Variants in CDCA7L observed in about 807,000 individuals in gnomAD.
CDCA7L encodes cell division cycle associated 7 like, also known as cell division cycle-associated 7-like protein.
A neutral mutation model predicts 57.4 loss-of-function variants in CDCA7L; 44 were observed. The observed-to-expected ratio is 0.77, with a 90% confidence interval of 0.60 to 0.98. The LOEUF (loss-of-function observed/expected upper bound fraction) is 0.98, where lower values mean the gene tolerates loss of function less well. Ranked by LOEUF, CDCA7L falls within the 50% of genes least tolerant of loss-of-function variation. The probability of loss-of-function intolerance (pLI) is 0.00; values close to 1 mark genes in which losing one functional copy is unlikely to be tolerated. For synonymous variants in CDCA7L, 236 were observed against 202.8 expected (o/e 1.16, Z -1.39); for missense variants, 644 against 580.6 (o/e 1.11, Z -1.12).
rs1161140132 is a variant in CDCA7L, at chr7:21,901,480, A to T, written c.*842T>A. On this transcript the variant is annotated 3_prime_UTR_variant, in exon 10 of 10. Coordinates refer to ENST00000406877, the MANE Select transcript of CDCA7L (RefSeq NM_018719.5). ...ATCCCAGTTACTCAGGAGGTAGGAG[A>T]ATCACTTGAACCTAGGAGGCAAAGG... 2 of 474,076 alleles carry T rather than the reference A, an allele frequency of 4.2e-6. No homozygotes were observed. Among genetic ancestry groups the T allele is most frequent in the Non-Finnish European group, 6.4e-6 (2 of 311,898 alleles). 29.4% of individuals were successfully genotyped at this position (474,076 alleles called of 1,614,324 possible). A position where few individuals can be genotyped will look rare whatever the true frequency, so the allele number is the denominator to read the frequency against.
intron 7 of CDCA7L, among the ~76,000 whole-genome samples, chr7:21,905,159 A>T (rs4722069): frequency 0.66 from 100,067 of 152,044 alleles, 34,679 homozygotes; most frequent in Non-Finnish European, 0.78. Context: ...CCAAACTTTA[A>T]TTTCTATGGT....
intron 2 of CDCA7L, among the ~76,000 whole-genome samples, chr7:21,914,568 G>A (rs1388462614): frequency 3.3e-5 from 5 of 151,476 alleles, no homozygotes; most frequent in African/African-American, 1.2e-4. Flanking sequence ...TGGACCAGTG[G>A]GCAGAAAGGG....
chr7:21,905,435 TAAA>T, intron 7 of CDCA7L, 68 bp downstream of exon 7: 1 of 1,544,268 alleles, frequency 6.5e-7, no homozygotes, highest in Non-Finnish European at 8.9e-7. Flanking sequence ...TGATAGAGTT[TAAA>T]AACAAGTGAG....
In CDCA7L at chr7:21,906,303, T is replaced by G; in HGVS notation, c.907A>C (p.Arg303=). 6.3e-7 allele frequency: 1 copy of G among 1,597,086 alleles called. No individual in the cohort carries two copies. Among genetic ancestry groups the G allele is most frequent in the East Asian group, 2.2e-5 (1 of 44,670 alleles). ...FAEEFYSFRR[R]KTIGGKCREY... is the part of the protein sequence containing the mutation. ...TCAGAAAATACCCCAATTGTCTTCCTTCTTCGGAAGCTGTAAAACTCTTCC... is the reference window on the plus strand; with the variant it reads ...TCAGAAAATACCCCAATTGTCTTCCGTCTTCGGAAGCTGTAAAACTCTTCC... The change falls in exon 6 of 10, where the codon AGG becomes CGG. Residue 303 remains arginine, a synonymous_variant. Transcript: ENST00000406877.
At chr7:21,934,867 A>G (rs187768830) in intron 1 of CDCA7L, among the ~76,000 whole-genome samples, 25 of 152,338 alleles carry the variant, frequency 1.6e-4, no homozygotes, top group Non-Finnish European at 3.2e-4. Flanking sequence ...AGATAGAACA[A>G]TTATAAATAT....
chr7:21,918,294 C>T (rs1785549488), intron 1 of CDCA7L, among the ~76,000 whole-genome samples: 1 of 152,202 alleles, frequency 6.6e-6, no homozygotes, highest in Non-Finnish European at 1.5e-5. Context: ...CTGCCCAAGG[C>T]TAACTGTGCT....
At position 21,904,989 on chromosome 7, in the gene CDCA7L, T is replaced by TG. The variant is rs1261031377; in HGVS notation, c.1047+516dup. On this transcript the variant is annotated intron_variant, in intron 7 of 9. Transcript: ENST00000406877. ...GCTCTGCAGACCTGGATACCTTCAA[T>TG]GTGAGATCTATTTTTTTTTAAATAT... Among the ~76,000 whole-genome samples, 15 of 152,162 alleles carry TG rather than the reference T, an allele frequency of 9.9e-5. No individual in the cohort carries two copies. In the East Asian group the frequency reaches 2.7e-3, roughly 27 times the overall value.
At chr7:21,904,546 G>A (rs1351804879) in intron 7 of CDCA7L, among the ~76,000 whole-genome samples, 3 of 152,172 alleles carry the variant, frequency 2.0e-5, no homozygotes, top group African/African-American at 7.2e-5. Flanking sequence ...ATCAGCAGCA[G>A]CATTAGATTC....
intron 2 of CDCA7L, among the ~76,000 whole-genome samples, chr7:21,915,755 G>C (rs1785465353): frequency 6.6e-6 from 1 of 152,034 alleles, no homozygotes. Flanking sequence ...TTGAACCCGG[G>C]AGGCAGAAGT....
At chr7:21,903,375 A>G (rs1785008621) in intron 8 of CDCA7L, among the ~76,000 whole-genome samples, 2 of 152,176 alleles carry the variant, frequency 1.3e-5, no homozygotes, top group African/African-American at 4.8e-5. Flanking sequence ...GGCCAAGCAC[A>G]GGGCCCTGTG....
At chr7:21,904,003 C>A in intron 8 of CDCA7L, 107 bp downstream of exon 8, 1 of 1,082,680 alleles carries the variant, frequency 9.2e-7, no homozygotes, top group Non-Finnish European at 1.2e-6. Context: ...AGGGAAAAAC[C>A]AGAGTTCTGG....
intron 4 of CDCA7L, among the ~76,000 whole-genome samples, chr7:21,907,201 T>C (rs1340230761): frequency 1.3e-5 from 2 of 152,236 alleles, no homozygotes; most frequent in East Asian, 3.8e-4. Flanking sequence ...TTTTAGTTTA[T>C]ACAATTATAT....
At chr7:21,905,915 G>A (rs767355094) in intron 6 of CDCA7L, among the ~76,000 whole-genome samples, 9 of 152,212 alleles carry the variant, frequency 5.9e-5, no homozygotes, top group Non-Finnish European at 1.3e-4. Flanking sequence ...CCACAAATGG[G>A]TCCACAGTTG....
chr7:21,914,940 C>T (rs1336904685), intron 2 of CDCA7L, among the ~76,000 whole-genome samples: 3 of 152,196 alleles, frequency 2.0e-5, no homozygotes, highest in Non-Finnish European at 4.4e-5. Flanking sequence ...AGGCTCTGTG[C>T]TCGGCCCTTT....
chr7:21,943,189 A>T (rs186707869), intron 1 of CDCA7L, among the ~76,000 whole-genome samples: 1 of 152,244 alleles, frequency 6.6e-6, no homozygotes, highest in South Asian at 2.1e-4. Context: ...ACAAAGACAC[A>T]GTGGTCAGCA....
intron 1 of CDCA7L, among the ~76,000 whole-genome samples, chr7:21,929,889 C>T (rs1785952487): frequency 6.6e-6 from 1 of 152,060 alleles, no homozygotes; most frequent in South Asian, 2.1e-4. Flanking sequence ...TTTAACACGC[C>T]ACTGTCACTA....
intron 3 of CDCA7L, among the ~76,000 whole-genome samples, chr7:21,911,351 GACAAT>G (rs1785320949): frequency 6.6e-6 from 1 of 151,906 alleles, no homozygotes; most frequent in Non-Finnish European, 1.5e-5. Flanking sequence ...CTTTGAGAAG[GACAAT>G]AAAGGACGCC....
chr7:21,920,690 C>G (rs375627947), intron 1 of CDCA7L, among the ~76,000 whole-genome samples: 4 of 152,324 alleles, frequency 2.6e-5, no homozygotes, highest in East Asian at 3.9e-4. Context: ...AATATTGAAA[C>G]TTTTCTCAAG....
At position 21,902,165 on chromosome 7, in the gene CDCA7L, G is replaced by GT; in HGVS notation, c.*156dup. On this transcript the variant is annotated 3_prime_UTR_variant, in exon 10 of 10. Transcript: ENST00000406877. ...TCTGCTGTCTTCCTGAGAAATCTTT[G>GT]TAAGCATATAAACAATCTTTAACAA... is the stretch of plus-strand genomic sequence containing the variant. 1.4e-6 allele frequency: 1 copy of GT among 717,220 alleles called. No individual in the cohort carries two copies. The allele number at this position is 717,220 out of a possible 1,614,324, so 44.4% of individuals were successfully genotyped here. A position where few individuals can be genotyped will look rare whatever the true frequency, so the allele number is the denominator to read the frequency against.
Sources: gnomAD v4.1 joint callset for allele counts (sites outside exome capture counted in the v4.1 genomes callset) on GRCh38, gnomAD v4.1.1 for gene constraint, MANE v1.5 for transcripts, NCBI Gene and HGNC (gene_info 2026-07-23, HGNC 2026-07-21) for gene names.